DUS2: variants seen among roughly 807,000 people sequenced by gnomAD.
The protein encoded by DUS2 is dihydrouridine synthase 2, also known as tRNA-dihydrouridine(20) synthase [NAD(P)+]-like.
DUS2 carries 52 observed loss-of-function variants against 71.3 expected under a neutral mutation model. That is an observed-to-expected ratio of 0.73 (90% CI 0.58 to 0.92). The LOEUF is 0.92. Among genes scored for constraint, DUS2 ranks in the 40% least tolerant of loss-of-function variants. The pLI is 0.00. For synonymous variants in DUS2, 204 were observed against 227.8 expected, an observed-to-expected ratio of 0.90 and a Z score of 0.94; for missense variants, 558 against 622.6, an observed-to-expected ratio of 0.90 and a Z score of 1.10.
chr16:68,058,134 C>G (rs560771502), intron 7 of DUS2, among the ~76,000 whole-genome samples: 2 of 151,636 alleles, frequency 1.3e-5, no homozygotes, highest in Non-Finnish European at 2.9e-5. Context: ...AGAGGTTTGT[C>G]GAGTGGGAGA....
At chr16:68,036,900 A>C (rs750148918) in intron 2 of DUS2, among the ~76,000 whole-genome samples, 3 of 151,100 alleles carry the variant, frequency 2.0e-5, no homozygotes, top group Non-Finnish European at 4.4e-5. Flanking sequence ...AGGGGTCTTC[A>C]TTGATCAAAT....
intron 3 of DUS2, among the ~76,000 whole-genome samples, chr16:68,041,703 T>C (rs2033627128): frequency 6.6e-6 from 1 of 151,744 alleles, no homozygotes; most frequent in Non-Finnish European, 1.5e-5. Flanking sequence ...TCCCAGCTAC[T>C]TGGGAGGTTG....
At chr16:68,044,744 A>C (rs1209723353) in intron 3 of DUS2, among the ~76,000 whole-genome samples, 1 of 151,902 alleles carries the variant, frequency 6.6e-6, no homozygotes, top group South Asian at 2.1e-4. Context: ...TTTTCAGTAC[A>C]TGAGTCTCAT....
rs925237494 is a variant in DUS2 at position 68,075,445 on chromosome 16, G to C, written c.1023G>C (p.Gln341His). The change falls in exon 14 of 17, where the codon CAG becomes CAC. Residue 341 changes from glutamine to histidine, a missense_variant. Gln to His is a conservative substitution (Grantham distance 24, BLOSUM62 0). Coordinates refer to ENST00000565263, the MANE Select transcript of DUS2 (RefSeq NM_017803.5). The stretch of plus-strand genomic sequence containing the variant: ...GGCTCTCAGCCAAGACTTCAGAGCA[G>C]ACAGGGGAGCCAGCTGAAGATACCT... ...QARLSAKTSE[Q>H]TGEPAEDTSG... is the part of the protein sequence containing the mutation. 1 of 1,613,990 alleles carries C rather than the reference G, an allele frequency of 6.2e-7. No individual in the cohort carries two copies. Among genetic ancestry groups the C allele is most frequent in the East Asian group, 2.2e-5 (1 of 44,880 alleles).
chr16:68,041,944 T>C (rs1439752373), intron 3 of DUS2, among the ~76,000 whole-genome samples: 1 of 152,102 alleles, frequency 6.6e-6, no homozygotes, highest in East Asian at 1.9e-4. Context: ...TATATTGACA[T>C]TGTTGTGAAA....
intron 1 of DUS2, chr16:68,023,948 AC>A (rs1277275186): frequency 6.0e-6 from 1 of 167,128 alleles, no homozygotes; most frequent in African/African-American, 2.4e-5. Flanking sequence ...CCCGTCAGAA[AC>A]CTGAATTACC....
At chr16:68,063,079 CT>C (rs1471563678) in intron 8 of DUS2, among the ~76,000 whole-genome samples, 2 of 152,222 alleles carry the variant, frequency 1.3e-5, no homozygotes, top group Non-Finnish European at 2.9e-5. Flanking sequence ...GCTCTGTCCT[CT>C]CTACTGCCCC....
chr16:68,075,259 AGAG>A, intron 13 of DUS2, 93 bp from the exon 14 acceptor site: 1 of 1,246,970 alleles, frequency 8.0e-7, no homozygotes, highest in Non-Finnish European at 1.1e-6. Context: ...TGTATGTGGT[AGAG>A]GAGTTTCTCA....
intron 2 of DUS2, among the ~76,000 whole-genome samples, chr16:68,035,157 C>A (rs771404739): frequency 2.6e-5 from 4 of 152,140 alleles, no homozygotes; most frequent in Non-Finnish European, 4.4e-5. Flanking sequence ...TCTGAGGGAG[C>A]CACCATCATC....
chr16:68,058,251 TCTCA>T (rs2033889617), intron 7 of DUS2, among the ~76,000 whole-genome samples: 1 of 146,324 alleles, frequency 6.8e-6, no homozygotes, highest in Non-Finnish European at 1.5e-5. Context: ...TGAGATGGAG[TCTCA>T]CTCTTGTCGT....
chr16:68,033,587 T>C (rs544547432), intron 2 of DUS2, among the ~76,000 whole-genome samples: 2 of 151,104 alleles, frequency 1.3e-5, no homozygotes, highest in East Asian at 3.9e-4. Context: ...CAGGCCCAAG[T>C]GATCCTCCAA....
intron 2 of DUS2, among the ~76,000 whole-genome samples, chr16:68,033,069 G>A (rs548779513): frequency 4.6e-5 from 7 of 152,274 alleles, no homozygotes; most frequent in African/African-American, 1.7e-4. Context: ...CCTAAAGTCA[G>A]TGGGAAGCCA....
intron 2 of DUS2, among the ~76,000 whole-genome samples, chr16:68,031,838 G>T (rs1200326416): frequency 6.6e-6 from 1 of 152,090 alleles, no homozygotes; most frequent in Non-Finnish European, 1.5e-5. Flanking sequence ...GGGATTGCAG[G>T]TGCACACCAC....
intron 12 of DUS2, among the ~76,000 whole-genome samples, chr16:68,073,613 C>T (rs181287021): frequency 1.3e-5 from 2 of 152,224 alleles, no homozygotes; most frequent in East Asian, 3.9e-4. Flanking sequence ...CCACGCCCAG[C>T]TAATTTTGTA....
chr16:68,062,034 A>T (rs2033946989), intron 8 of DUS2, among the ~76,000 whole-genome samples: 1 of 152,010 alleles, frequency 6.6e-6, no homozygotes, highest in African/African-American at 2.4e-5. Flanking sequence ...TTTTTGAGAC[A>T]GAGTCTTGCT....
chr16:68,078,626 G>C (rs1201634880), intron 16 of DUS2, 108 bp downstream of exon 16: 2 of 1,486,616 alleles, frequency 1.3e-6, no homozygotes, highest in Admixed American at 1.7e-5. Flanking sequence ...GGTATATGTG[G>C]GCAGTGGCAT....
At chr16:68,071,720 C>G (rs1445596266) in intron 12 of DUS2, among the ~76,000 whole-genome samples, 1 of 149,118 alleles carries the variant, frequency 6.7e-6, no homozygotes, top group Non-Finnish European at 1.5e-5. Flanking sequence ...TCACTGCAGT[C>G]TTGACCTCCT....
At chr16:68,071,236 G>A (rs2034082724) in intron 12 of DUS2, 128 bp downstream of exon 12, 2 of 991,992 alleles carry the variant, frequency 2.0e-6, no homozygotes, top group Non-Finnish European at 3.0e-6. Context: ...TTTAGCTCAT[G>A]TAGTGTAGCT....
intron 3 of DUS2, among the ~76,000 whole-genome samples, chr16:68,042,408 G>A (rs1378543186): frequency 6.6e-6 from 1 of 152,114 alleles, no homozygotes; most frequent in East Asian, 1.9e-4. Flanking sequence ...ATCATATGGT[G>A]GTTTTTAATT....
Sources: allele counts gnomAD v4.1 joint callset (sites outside exome capture counted in the v4.1 genomes callset), GRCh38; gene constraint gnomAD v4.1.1; transcripts MANE v1.5; gene names NCBI Gene and HGNC (gene_info 2026-07-23, HGNC 2026-07-21).